CAMTA1: variants seen among roughly 807,000 people sequenced by gnomAD.
CAMTA1 encodes calmodulin binding transcription activator 1.
CAMTA1 carries 27 observed loss-of-function variants against 170.9 expected under a neutral mutation model. The observed-to-expected ratio is 0.16, with a 90% CI of 0.12 to 0.22. CAMTA1 has a LOEUF of 0.22. CAMTA1 is among the 10% of genes least tolerant of loss of function. CAMTA1 has a pLI of 1.00. For synonymous variants in CAMTA1, 833 were observed against 891.5 expected (o/e 0.93, Z 1.17); for missense variants, 1,619 against 2,217.2 (o/e 0.73, Z 5.42).
At chr1:7,756,839 C>A (rs962588252) in intron 22 of CAMTA1, among the ~76,000 whole-genome samples, 1 of 151,746 alleles carries the variant, frequency 6.6e-6, no homozygotes, top group African/African-American at 2.4e-5. Flanking sequence ...CAGAGCGAGA[C>A]CCTGTCTCAA....
At chr1:7,337,392 G>A (rs747070606) in intron 5 of CAMTA1, among the ~76,000 whole-genome samples, 1 of 152,232 alleles carries the variant, frequency 6.6e-6, no homozygotes, top group Non-Finnish European at 1.5e-5. Flanking sequence ...CACCAGTCCC[G>A]ATGTCTCTGT....
intron 6 of CAMTA1, among the ~76,000 whole-genome samples, chr1:7,546,786 G>A (rs2094699444): frequency 6.6e-6 from 1 of 151,868 alleles, no homozygotes; most frequent in South Asian, 2.1e-4. Context: ...ATGCTTGTTG[G>A]CTGGACGAAC....
chr1:7,264,592 T>TA (rs1157174714), intron 5 of CAMTA1, among the ~76,000 whole-genome samples: 1 of 151,868 alleles, frequency 6.6e-6, no homozygotes, highest in African/African-American at 2.4e-5. Context: ...CTGTTAGGTA[T>TA]AATATCCAAT....
intron 3 of CAMTA1, among the ~76,000 whole-genome samples, chr1:7,047,721 CTT>C (rs61590402): frequency 1.2e-4 from 15 of 129,458 alleles, no homozygotes; most frequent in Non-Finnish European, 9.6e-5. Context: ...CTCTCTCTCT[CTT>C]TTTTTTTTTT....
intron 6 of CAMTA1, among the ~76,000 whole-genome samples, chr1:7,529,028 C>A (rs1197912635): frequency 2.0e-5 from 3 of 152,130 alleles, no homozygotes; most frequent in Non-Finnish European, 4.4e-5. Context: ...TAGTGACACC[C>A]AGGGAAGTCA....
chr1:7,663,069 T>A (rs2095974507), intron 8 of CAMTA1, among the ~76,000 whole-genome samples: 1 of 152,216 alleles, frequency 6.6e-6, no homozygotes, highest in Admixed American at 6.5e-5. Context: ...CCTTCCCAAC[T>A]TCCCATATGC....
At chr1:6,819,925 C>T (rs921106623) in intron 1 of CAMTA1, among the ~76,000 whole-genome samples, 1 of 152,172 alleles carries the variant, frequency 6.6e-6, no homozygotes, top group Non-Finnish European at 1.5e-5. Flanking sequence ...AATATCTAAT[C>T]AGAACCTTGG....
chr1:6,864,626 C>T (rs958287467), intron 3 of CAMTA1, among the ~76,000 whole-genome samples: 1 of 152,170 alleles, frequency 6.6e-6, no homozygotes, highest in Non-Finnish European at 1.5e-5. Flanking sequence ...ACTCTCAGCT[C>T]CCTTAGACAT....
intron 3 of CAMTA1, among the ~76,000 whole-genome samples, chr1:7,066,059 G>A (rs191074525): frequency 4.6e-5 from 7 of 152,256 alleles, no homozygotes; most frequent in Admixed American, 4.6e-4. Context: ...CTGGGATCTG[G>A]GGCCACTTGA....
intron 3 of CAMTA1, among the ~76,000 whole-genome samples, chr1:6,858,628 G>A (rs1487573679): frequency 6.6e-6 from 1 of 152,088 alleles, no homozygotes; most frequent in African/African-American, 2.4e-5. Flanking sequence ...CCTATAGTGG[G>A]TATTTTCATG....
At chr1:6,929,654 T>C (rs1571812462) in intron 3 of CAMTA1, among the ~76,000 whole-genome samples, 1 of 152,234 alleles carries the variant, frequency 6.6e-6, no homozygotes, top group East Asian at 1.9e-4. Context: ...TGAGCCACCG[T>C]GCCCGGCCTA....
At chr1:7,438,780 C>T (rs2149395449) in intron 5 of CAMTA1, among the ~76,000 whole-genome samples, 1 of 152,296 alleles carries the variant, frequency 6.6e-6, no homozygotes, top group Admixed American at 6.5e-5. Context: ...AAGAGCATGG[C>T]CTGTGGAGCC....
chr1:7,049,893 T>A (rs1325198537), intron 3 of CAMTA1, among the ~76,000 whole-genome samples: 1 of 152,224 alleles, frequency 6.6e-6, no homozygotes, highest in Non-Finnish European at 1.5e-5. Flanking sequence ...CCAGAGTCTC[T>A]GCCTTCAAGG....
chr1:7,274,605 GA>G (rs1670313283), intron 5 of CAMTA1, among the ~76,000 whole-genome samples: 1 of 151,972 alleles, frequency 6.6e-6, no homozygotes, highest in African/African-American at 2.4e-5. Context: ...TGACATTTTT[GA>G]AATAAATACC....
intron 5 of CAMTA1, among the ~76,000 whole-genome samples, chr1:7,442,030 C>T (rs1450145938): frequency 2.6e-5 from 4 of 152,106 alleles, no homozygotes. Flanking sequence ...TCTGGGGGCC[C>T]CAGGACTTCC....
intron 4 of CAMTA1, among the ~76,000 whole-genome samples, chr1:7,208,404 A>G (rs1025077192): frequency 6.8e-6 from 1 of 146,862 alleles, no homozygotes; most frequent in African/African-American, 2.4e-5. Flanking sequence ...TACCCTATTG[A>G]GTATTGGGTA....
intron 6 of CAMTA1, among the ~76,000 whole-genome samples, chr1:7,638,516 C>T (rs1278826008): frequency 2.6e-5 from 4 of 151,978 alleles, no homozygotes; most frequent in East Asian, 1.9e-4. Flanking sequence ...GTGGCGTGCA[C>T]GTGTAATCCC....
At chr1:6,840,751 T>C (rs935861265) in intron 3 of CAMTA1, among the ~76,000 whole-genome samples, 1 of 152,026 alleles carries the variant, frequency 6.6e-6, no homozygotes, top group African/African-American at 2.4e-5. Context: ...AAAGGGAGAC[T>C]AAGCCCCGAG....
At chr1:7,357,401 G>T (rs1025497828) in intron 5 of CAMTA1, among the ~76,000 whole-genome samples, 1 of 152,340 alleles carries the variant, frequency 6.6e-6, no homozygotes, top group Non-Finnish European at 1.5e-5. Context: ...CAGAGGAACT[G>T]AGTTGCCCCC....
Sources: gnomAD v4.1 joint callset for allele counts (sites outside exome capture counted in the v4.1 genomes callset) on GRCh38, gnomAD v4.1.1 for gene constraint, MANE v1.5 for transcripts, NCBI Gene and HGNC (gene_info 2026-07-23, HGNC 2026-07-21) for gene names.